Variants in CPNE8 observed in about 807,000 individuals in gnomAD.
The protein encoded by CPNE8 is copine-8.
A neutral mutation model predicts 81.5 loss-of-function variants in CPNE8; 45 were observed. That is an observed-to-expected ratio of 0.55 (90% CI 0.44 to 0.71). The LOEUF (loss-of-function observed/expected upper bound fraction) is 0.71, where lower values mean the gene tolerates loss of function less well. Ranked by LOEUF, CPNE8 falls within the 30% of genes least tolerant of loss-of-function variation. The pLI is 0.00. For synonymous variants in CPNE8, 252 were observed against 226.3 expected, an observed-to-expected ratio of 1.11 and a Z score of -1.02; for missense variants, 594 against 672.1, an observed-to-expected ratio of 0.88 and a Z score of 1.28.
chr12:38,861,680 A>T (rs557650017), intron 3 of CPNE8, among the ~76,000 whole-genome samples: 1 of 152,284 alleles, frequency 6.6e-6, no homozygotes, highest in South Asian at 2.1e-4. Flanking sequence ...TAATATATTA[A>T]ATATACACAA....
chr12:38,811,061 C>T (rs750743809), intron 6 of CPNE8, among the ~76,000 whole-genome samples: 39 of 152,198 alleles, frequency 2.6e-4, no homozygotes, highest in Non-Finnish European at 4.7e-4. Context: ...TGTAAACTTC[C>T]TCCTGCCATG....
chr12:38,691,497 T>C (rs1420586237), intron 15 of CPNE8, among the ~76,000 whole-genome samples: 2 of 152,156 alleles, frequency 1.3e-5, no homozygotes, highest in Non-Finnish European at 2.9e-5. Context: ...TTGTCTGTCT[T>C]ATCCAAAAGA....
At chr12:38,835,559 G>A (rs1245483150) in intron 5 of CPNE8, among the ~76,000 whole-genome samples, 1 of 152,132 alleles carries the variant, frequency 6.6e-6, no homozygotes, top group African/African-American at 2.4e-5. Context: ...AGCATGACAA[G>A]TGCCTGTCCT....
At position 38,799,703 on chromosome 12, in the gene CPNE8, C is replaced by T. The variant is rs545565730; in HGVS notation, c.408-23402G>A. On this transcript the variant is annotated intron_variant, in intron 6 of 19. Coordinates refer to ENST00000331366, the MANE Select transcript of CPNE8 (RefSeq NM_153634.3). Reference sequence around the variant, plus strand: ...TCCGGTCTACAGCTCCCAGCGTGAGCGACGCAGAAGACGGGTGATTTCTGC... The same window carrying T: ...TCCGGTCTACAGCTCCCAGCGTGAGTGACGCAGAAGACGGGTGATTTCTGC... Among the ~76,000 whole-genome samples the T allele has an allele frequency of 4.7e-4, 72 of 151,646 alleles. No individual in the cohort carries two copies. The South Asian group carries it at 0.013, about 27-fold the overall frequency.
intron 5 of CPNE8, among the ~76,000 whole-genome samples, chr12:38,836,807 T>G (rs1943387787): frequency 6.6e-6 from 1 of 152,208 alleles, no homozygotes; most frequent in African/African-American, 2.4e-5. Context: ...TCTTTTGGGT[T>G]GGATGAGCTA....
chr12:38,756,352 CTT>C (rs5797594), intron 10 of CPNE8, among the ~76,000 whole-genome samples: 153 of 135,106 alleles, frequency 1.1e-3, no homozygotes, highest in South Asian at 3.1e-3. Context: ...GCATTTTCCA[CTT>C]TTTTTTTTTT....
intron 6 of CPNE8, among the ~76,000 whole-genome samples, chr12:38,780,528 T>G (rs1374060279): frequency 6.6e-6 from 1 of 151,860 alleles, no homozygotes; most frequent in Non-Finnish European, 1.5e-5. Flanking sequence ...TAAAAATAGA[T>G]TTACACTTGG....
In CPNE8 at chr12:38,724,877, C is replaced by G. The variant is rs1464688663; in HGVS notation, c.821G>C (p.Gly274Ala). 1 of 1,503,884 alleles carries G rather than the reference C, an allele frequency of 6.6e-7. No homozygotes were observed. Among genetic ancestry groups the G allele is most frequent in the East Asian group, 2.3e-5 (1 of 42,992 alleles). 93.2% of individuals were successfully genotyped at this position (1,503,884 alleles called of 1,614,324 possible). A position where few individuals can be genotyped will look rare whatever the true frequency, so the allele number is the denominator to read the frequency against. The change falls in exon 12 of 20, where the codon GGA becomes GCA. Residue 274 changes from glycine to alanine, a missense_variant. Gly to Ala is a moderately conservative substitution (Grantham distance 60, BLOSUM62 0). Transcript: ENST00000331366. ...AGAATTAGTATATTTTTTCTTTTTT[C>G]CTTTCTTTTTGGGATTCACCACCTT... The part of the protein sequence containing the change: ...VYEVVNPKKK[G>A]KKKKYTNSGT...
rs182991899 is a variant in CPNE8 at position 38,865,233 on chromosome 12, T to G, written c.186+7771A>C. The stretch of plus-strand genomic sequence containing the variant: ...AAAGTTATGGAAAACCATTTGGCAG[T>G]ATCTACTGAAGAAGAAAATATGCAT... On this transcript the variant is annotated intron_variant, in intron 3 of 19. Transcript: ENST00000331366. Among the ~76,000 whole-genome samples the G allele has an allele frequency of 2.0e-3, 310 of 152,318 alleles. 2 individuals are homozygous for G. The highest frequency in any genetic ancestry group is 7.1e-3 in the African/African-American group (297 of 41,582).
chr12:38,881,097 C>A (rs916933212), intron 1 of CPNE8, among the ~76,000 whole-genome samples: 4 of 151,746 alleles, frequency 2.6e-5, no homozygotes, highest in African/African-American at 4.8e-5. Flanking sequence ...TCATTCCCGG[C>A]TACTCGGGAG....
intron 3 of CPNE8, among the ~76,000 whole-genome samples, chr12:38,863,516 GAAGTAAATTTATAGATCAATATAATTCAT>G (rs1323344977): frequency 6.6e-6 from 1 of 152,152 alleles, no homozygotes; most frequent in East Asian, 1.9e-4. Context: ...TTATGACAAA[GAAGTAAATTTATAGATCAATATAATTCAT>G]AACAGGCAAA....
At chr12:38,719,823 C>T (rs1940510240) in intron 13 of CPNE8, among the ~76,000 whole-genome samples, 1 of 151,992 alleles carries the variant, frequency 6.6e-6, no homozygotes, top group Admixed American at 6.5e-5. Flanking sequence ...ACATTACATA[C>T]ATTTATAATA....
At chr12:38,803,445 C>T (rs1414627324) in intron 6 of CPNE8, among the ~76,000 whole-genome samples, 1 of 150,474 alleles carries the variant, frequency 6.6e-6, no homozygotes, top group African/African-American at 2.4e-5. Context: ...AAGCCTTTGA[C>T]AAAATTCAAC....
At chr12:38,826,423 C>A (rs542326462) in intron 6 of CPNE8, among the ~76,000 whole-genome samples, 56 of 152,280 alleles carry the variant, frequency 3.7e-4, no homozygotes, top group Non-Finnish European at 6.0e-4. Flanking sequence ...TGAAGTCTTT[C>A]CCTCATTACA....
chr12:38,755,899 G>C (rs1368439012), intron 10 of CPNE8, among the ~76,000 whole-genome samples: 2 of 151,686 alleles, frequency 1.3e-5, no homozygotes, highest in Non-Finnish European at 2.9e-5. Context: ...AATTAGCCGG[G>C]CGTAGTGGCG....
At chr12:38,820,344 G>T (rs1170828497) in intron 6 of CPNE8, among the ~76,000 whole-genome samples, 1 of 151,954 alleles carries the variant, frequency 6.6e-6, no homozygotes, top group Non-Finnish European at 1.5e-5. Context: ...GGCAGAAGTT[G>T]CAGTGAGCCG....
At chr12:38,805,406 C>T (rs1219412682) in intron 6 of CPNE8, among the ~76,000 whole-genome samples, 2 of 47,606 alleles carry the variant, frequency 4.2e-5, no homozygotes, top group East Asian at 1.7e-3. Context: ...TAAACTATCG[C>T]AAGAACAAAA....
intron 6 of CPNE8, among the ~76,000 whole-genome samples, chr12:38,776,738 T>G (rs1941947266): frequency 6.6e-6 from 1 of 152,138 alleles, no homozygotes; most frequent in Non-Finnish European, 1.5e-5. Flanking sequence ...ATCATCTAAT[T>G]ATGTTTCAGT....
intron 7 of CPNE8, among the ~76,000 whole-genome samples, chr12:38,770,442 A>G (rs1461450392): frequency 6.6e-6 from 1 of 152,184 alleles, no homozygotes; most frequent in Admixed American, 6.5e-5. Flanking sequence ...ATGTTCATTG[A>G]CATTTATTCC....
Sources: allele counts gnomAD v4.1 joint callset (sites outside exome capture counted in the v4.1 genomes callset), GRCh38; gene constraint gnomAD v4.1.1; transcripts MANE v1.5; gene names NCBI Gene and HGNC (gene_info 2026-07-23, HGNC 2026-07-21).